The following ABCA13 variants were observed in gnomAD, a reference collection of about 807,000 sequenced individuals.
ABCA13 encodes ATP binding cassette subfamily A member 13, also known as ATP-binding cassette sub-family A member 13.
In ABCA13, 476 loss-of-function variants were observed where a neutral mutation model predicts 478.7. That is an observed-to-expected ratio of 0.99 (90% CI 0.92 to 1.07). The LOEUF is 1.07. Among genes scored for constraint, ABCA13 ranks in the 50% least tolerant of loss-of-function variants. The pLI is 0.00. For missense variants in ABCA13, 6,060 were observed against 5,910.6 expected, an observed-to-expected ratio of 1.03 and a Z score of -0.83; for synonymous variants, 2,252 against 2,158.9, an observed-to-expected ratio of 1.04 and a Z score of -1.20.
chr7:48,227,464 T>C, intron 6 of ABCA13, 39 bp downstream of exon 6: 1 of 1,597,064 alleles, frequency 6.3e-7, no homozygotes, highest in Non-Finnish European at 8.5e-7. Flanking sequence ...TATCAATATG[T>C]TGTTTTTTTA....
chr7:48,407,412 G>T (rs1259800249), intron 39 of ABCA13, among the ~76,000 whole-genome samples: 2 of 150,802 alleles, frequency 1.3e-5, no homozygotes, highest in Non-Finnish European at 3.0e-5. Flanking sequence ...GGAGGTGGAG[G>T]TTGCAGTGAG....
intron 1 of ABCA13, among the ~76,000 whole-genome samples, chr7:48,180,106 T>C (rs1795460272): frequency 6.6e-6 from 1 of 151,524 alleles, no homozygotes; most frequent in African/African-American, 2.4e-5. Context: ...TCTGAATTTA[T>C]CTGATGAAGA....
At chr7:48,243,335 A>T (rs1252074808) in intron 10 of ABCA13, among the ~76,000 whole-genome samples, 1 of 152,204 alleles carries the variant, frequency 6.6e-6, no homozygotes, top group African/African-American at 2.4e-5. Flanking sequence ...AGCTCTTTCC[A>T]AGTGCCACTC....
chr7:48,430,031 G>A (rs1389808689), intron 42 of ABCA13, among the ~76,000 whole-genome samples: 1 of 152,006 alleles, frequency 6.6e-6, no homozygotes, highest in African/African-American at 2.4e-5. Context: ...CTGTTATCAT[G>A]GTTATCTTCA....
At chr7:48,357,792 C>G (rs925429647) in intron 31 of ABCA13, among the ~76,000 whole-genome samples, 9 of 151,946 alleles carry the variant, frequency 5.9e-5, no homozygotes, top group Admixed American at 4.6e-4. Context: ...CTTTTAAGCA[C>G]TTTGTGCAGG....
intron 6 of ABCA13, among the ~76,000 whole-genome samples, chr7:48,228,510 C>T (rs1397295727): frequency 6.6e-6 from 1 of 152,114 alleles, no homozygotes; most frequent in Non-Finnish European, 1.5e-5. Flanking sequence ...TGCTGTTGGG[C>T]TTTGTAGGCT....
At chr7:48,428,744 C>A (rs541625761) in intron 42 of ABCA13, among the ~76,000 whole-genome samples, 1 of 152,144 alleles carries the variant, frequency 6.6e-6, no homozygotes, top group Non-Finnish European at 1.5e-5. Flanking sequence ...AATTTGCATT[C>A]TCCTAATGAT....
At chr7:48,268,937 A>T (rs1488475704) in intron 15 of ABCA13, 43 bp from the exon 16 acceptor site, 1 of 1,000,464 alleles carries the variant, frequency 1.0e-6, no homozygotes, top group South Asian at 1.5e-5. Flanking sequence ...TTTGTCTGTT[A>T]TAACCAGTTT....
intron 28 of ABCA13, among the ~76,000 whole-genome samples, chr7:48,336,753 G>C (rs1179246792): frequency 1.3e-5 from 2 of 152,214 alleles, no homozygotes; most frequent in Non-Finnish European, 2.9e-5. Flanking sequence ...TTCTCACAGC[G>C]ACCATGGCCA....
chr7:48,200,323 C>T (rs1219486743), intron 3 of ABCA13, among the ~76,000 whole-genome samples: 4 of 152,130 alleles, frequency 2.6e-5, no homozygotes, highest in Admixed American at 6.5e-5. Context: ...GCCAAGATTG[C>T]GCCACTGCAC....
intron 3 of ABCA13, among the ~76,000 whole-genome samples, chr7:48,210,730 AT>A (rs1402951778): frequency 6.6e-6 from 1 of 151,916 alleles, no homozygotes; most frequent in African/African-American, 2.4e-5. Context: ...ATTATTTTGA[AT>A]TTTTTTAGAC....
intron 5 of ABCA13, among the ~76,000 whole-genome samples, chr7:48,226,696 C>T (rs982937397): frequency 1.3e-5 from 2 of 152,054 alleles, no homozygotes; most frequent in African/African-American, 2.4e-5. Context: ...CTCAGTGAGG[C>T]ACTGGAGACC....
chr7:48,403,925 T>C, intron 39 of ABCA13, 46 bp downstream of exon 39: 1 of 1,571,532 alleles, frequency 6.4e-7, no homozygotes, highest in Non-Finnish European at 8.7e-7. Context: ...CAATATTGTG[T>C]TGCAGGAAAT....
intron 55 of ABCA13, among the ~76,000 whole-genome samples, chr7:48,538,353 G>A (rs892854506): frequency 2.0e-5 from 3 of 151,932 alleles, no homozygotes; most frequent in Admixed American, 6.6e-5. Context: ...CACCCACCTC[G>A]ACCTCCCAAA....
At chr7:48,173,619 G>A (rs375199447) in intron 1 of ABCA13, among the ~76,000 whole-genome samples, 28 of 152,292 alleles carry the variant, frequency 1.8e-4, no homozygotes, top group East Asian at 9.6e-4. Flanking sequence ...AGTGATATTT[G>A]TACAAGGTTG....
chr7:48,419,812 A>T (rs1166494733), intron 41 of ABCA13, among the ~76,000 whole-genome samples: 1 of 152,202 alleles, frequency 6.6e-6, no homozygotes, highest in African/African-American at 2.4e-5. Flanking sequence ...ACACACACGG[A>T]CGCTAAGAAA....
At chr7:48,611,272 A>T (rs1368858862) in intron 58 of ABCA13, among the ~76,000 whole-genome samples, 1 of 152,162 alleles carries the variant, frequency 6.6e-6, no homozygotes, top group Non-Finnish European at 1.5e-5. Flanking sequence ...TGGTCACAGC[A>T]ATTTAACAAG....
chr7:48,358,258 AGGG>A (rs1810282407), intron 31 of ABCA13, among the ~76,000 whole-genome samples: 1 of 19,230 alleles, frequency 5.2e-5, no homozygotes, highest in Non-Finnish European at 9.5e-5. Context: ...AGGGGAGGGG[AGGG>A]GAGGGGACAA....
chr7:48,204,561 G>A (rs1195710800), intron 3 of ABCA13, among the ~76,000 whole-genome samples: 1 of 152,146 alleles, frequency 6.6e-6, no homozygotes, highest in East Asian at 1.9e-4. Flanking sequence ...AACAGCATTA[G>A]ATTCGCCAGG....
Sources: gnomAD v4.1 joint callset for allele counts (sites outside exome capture counted in the v4.1 genomes callset) on GRCh38, gnomAD v4.1.1 for gene constraint, MANE v1.5 for transcripts, NCBI Gene and HGNC (gene_info 2026-07-23, HGNC 2026-07-21) for gene names.